MEI4: variants seen among roughly 807,000 people sequenced by gnomAD.
MEI4 encodes the protein meiotic double-stranded break formation protein 4, also known as meiosis-specific protein MEI4.
MEI4 carries 27 observed loss-of-function variants against 31.4 expected under a neutral mutation model. The observed-to-expected ratio is 0.86, with a 90% CI of 0.63 to 1.19. The LOEUF is 1.19. Among genes scored for constraint, MEI4 ranks in the 50% most tolerant of loss-of-function variants. The pLI is 0.00. For synonymous variants in MEI4, 122 were observed against 145.4 expected (o/e 0.84, Z 1.16); for missense variants, 329 against 398.9 (o/e 0.82, Z 1.49).
At chr6:77,696,105 C>G (rs1766029350) in intron 2 of MEI4, among the ~76,000 whole-genome samples, 1 of 152,162 alleles carries the variant, frequency 6.6e-6, no homozygotes, top group East Asian at 1.9e-4. Flanking sequence ...GAGTTTTGCA[C>G]ATTGATTTTG....
intron 3 of MEI4, among the ~76,000 whole-genome samples, chr6:77,822,992 T>C (rs763108890): frequency 2.0e-5 from 3 of 152,098 alleles, no homozygotes; most frequent in Non-Finnish European, 4.4e-5. Context: ...AGGGACTAGC[T>C]GAGTCACTGG....
intron 3 of MEI4, among the ~76,000 whole-genome samples, chr6:77,800,172 G>T (rs1475560172): frequency 6.6e-5 from 10 of 151,950 alleles, no homozygotes; most frequent in Admixed American, 6.6e-5. Flanking sequence ...TTATTTCATT[G>T]AGCAGTGGTT....
At chr6:77,743,357 C>T (rs1767475297) in intron 2 of MEI4, among the ~76,000 whole-genome samples, 1 of 152,128 alleles carries the variant, frequency 6.6e-6, no homozygotes, top group African/African-American at 2.4e-5. Flanking sequence ...AGTTGGATTC[C>T]TGGGTATTTT....
At chr6:77,909,222 T>G (rs1014708672) in intron 4 of MEI4, among the ~76,000 whole-genome samples, 1 of 151,544 alleles carries the variant, frequency 6.6e-6, no homozygotes, top group Non-Finnish European at 1.5e-5. Context: ...CTCAACTACA[T>G]GGATAGAGAC....
At chr6:77,899,380 A>T (rs796508507) in intron 4 of MEI4, among the ~76,000 whole-genome samples, 1 of 152,058 alleles carries the variant, frequency 6.6e-6, no homozygotes, top group Admixed American at 6.6e-5. Flanking sequence ...CATTCTCTGA[A>T]AGCTCCCCAT....
intron 1 of MEI4, among the ~76,000 whole-genome samples, chr6:77,659,084 T>C (rs1768452317): frequency 6.6e-6 from 1 of 152,174 alleles, no homozygotes; most frequent in African/African-American, 2.4e-5. Context: ...TCTGTGATGC[T>C]AGCAGAGAAG....
intron 2 of MEI4, among the ~76,000 whole-genome samples, chr6:77,702,080 T>A (rs1157722487): frequency 6.6e-6 from 1 of 152,170 alleles, no homozygotes; most frequent in Non-Finnish European, 1.5e-5. Context: ...GGAAACAGTT[T>A]TTAGCTAGAC....
rs138110507 is a variant in MEI4 at position 77,776,458 on chromosome 6, G to A, written c.768+14793G>A. ...ATAGAAACTTGGTGCATTTCAGTCC[G>A]GTGAGGCCCCAGAAATGGCTTCCTT... On this transcript the variant is annotated intron_variant, in intron 3 of 4. Transcript: ENST00000684080. Among the ~76,000 whole-genome samples, 239 of 152,152 alleles carry A rather than the reference G, an allele frequency of 1.6e-3. 2 individuals carry two copies. Among genetic ancestry groups the A allele is most frequent in the African/African-American group, 5.4e-3 (225 of 41,538 alleles).
In MEI4 at chr6:77,791,053, G is replaced by T. The variant is rs566381539; in HGVS notation, c.768+29388G>T. 1.7e-4 allele frequency among the ~76,000 whole-genome samples: 26 copies of T among 152,114 alleles called. No individual in the cohort carries two copies. The South Asian group carries it at 3.1e-3, about 18-fold the overall frequency. ...AACAACAGGTGCTGGAGAGGATGTG[G>T]AGAAATAGGAACACTTTGACACTGT... is the stretch of plus-strand genomic sequence containing the variant. On this transcript the variant is annotated intron_variant, in intron 3 of 4. Transcript: ENST00000684080.
chr6:77,779,135 G>A (rs1229377099), intron 3 of MEI4, among the ~76,000 whole-genome samples: 2 of 152,184 alleles, frequency 1.3e-5, no homozygotes, highest in Admixed American at 6.5e-5. Context: ...GAGCCCAGAG[G>A]AGTGCCAACA....
intron 3 of MEI4, among the ~76,000 whole-genome samples, chr6:77,804,694 T>A (rs1162492194): frequency 1.3e-5 from 2 of 152,224 alleles, no homozygotes; most frequent in African/African-American, 4.8e-5. Context: ...AGTATACTGA[T>A]ATCCAGGATC....
chr6:77,888,340 T>C (rs987923185), intron 4 of MEI4, among the ~76,000 whole-genome samples: 2 of 151,888 alleles, frequency 1.3e-5, no homozygotes, highest in African/African-American at 2.4e-5. Context: ...TTTTCTTTTT[T>C]TTTTTTCTCT....
At chr6:77,752,057 C>A (rs575886863) in intron 2 of MEI4, among the ~76,000 whole-genome samples, 22 of 152,216 alleles carry the variant, frequency 1.4e-4, no homozygotes, top group African/African-American at 5.1e-4. Context: ...AGGCCTTTGA[C>A]AAAATTCAAC....
chr6:77,900,360 T>G, intron 4 of MEI4, among the ~76,000 whole-genome samples: 1 of 151,992 alleles, frequency 6.6e-6, no homozygotes, highest in African/African-American at 2.4e-5. Flanking sequence ...AAAGGAAATA[T>G]AGTTGTAACT....
intron 2 of MEI4, among the ~76,000 whole-genome samples, chr6:77,706,699 T>A: frequency 6.6e-6 from 1 of 152,154 alleles, no homozygotes; most frequent in East Asian, 1.9e-4. Flanking sequence ...GCTGTCCTCA[T>A]GGTAATGAGT....
intron 2 of MEI4, among the ~76,000 whole-genome samples, chr6:77,734,207 G>A (rs1437387920): frequency 6.6e-6 from 1 of 151,980 alleles, no homozygotes; most frequent in Non-Finnish European, 1.5e-5. Flanking sequence ...CTCATGATCT[G>A]TCTAATGTTG....
chr6:77,795,245 G>A (rs547120378), intron 3 of MEI4, among the ~76,000 whole-genome samples: 1 of 152,234 alleles, frequency 6.6e-6, no homozygotes, highest in South Asian at 2.1e-4. Flanking sequence ...TTAGAAAGAT[G>A]ATAGACTTAA....
chr6:77,743,422 T>G (rs1464595522), intron 2 of MEI4, among the ~76,000 whole-genome samples: 1 of 152,186 alleles, frequency 6.6e-6, no homozygotes, highest in Non-Finnish European at 1.5e-5. Context: ...GCTCTCTGTT[T>G]GTCTGTTATT....
At position 77,728,322 on chromosome 6, in the gene MEI4, T is replaced by C. The variant is rs191929010; in HGVS notation, c.233-32808T>C. 2.6e-5 allele frequency among the ~76,000 whole-genome samples: 4 copies of C among 152,332 alleles called. No homozygotes were observed. In the East Asian group the frequency reaches 7.7e-4, roughly 29 times the overall value. On this transcript the variant is annotated intron_variant, in intron 2 of 4. Transcript: ENST00000684080. ...CTGCTTACTACTCATTAGGAGCTTA[T>C]GATATAGTTAGAAAGGTATGAGCTC...
Sources: allele counts gnomAD v4.1 joint callset (sites outside exome capture counted in the v4.1 genomes callset), GRCh38; gene constraint gnomAD v4.1.1; transcripts MANE v1.5; gene names NCBI Gene and HGNC (gene_info 2026-07-23, HGNC 2026-07-21).